Variants in PLPP4 observed in about 807,000 individuals in gnomAD.
PLPP4 encodes the protein diacylglycerol pyrophosphate like 2.
Under a neutral mutation model 32.2 loss-of-function variants are expected in PLPP4, and 20 were observed. The ratio of observed to expected loss-of-function variants is 0.62; its 90% CI spans 0.44 to 0.90. The LOEUF (loss-of-function observed/expected upper bound fraction) is 0.90, where lower values mean the gene tolerates loss of function less well. PLPP4 is among the 40% of genes least tolerant of loss of function. The probability of loss-of-function intolerance (pLI) is 0.00; values close to 1 mark genes in which losing one functional copy is unlikely to be tolerated. For synonymous variants in PLPP4, 127 were observed against 133.0 expected (o/e 0.95, Z 0.31); for missense variants, 257 against 353.1 (o/e 0.73, Z 2.18).
In PLPP4 at chr10:120,515,988, T is replaced by C. The variant is rs566073218; in HGVS notation, c.256+1987T>C. 3.4e-4 allele frequency among the ~76,000 whole-genome samples: 52 copies of C among 152,224 alleles called. 1 individual carries two copies. In the South Asian group the frequency reaches 0.011, roughly 32 times the overall value. ...ATTCTCAGCTAAATCTCCCTTAGGG[T>C]GACATTTCAAAATTGAACATCATAC... On this transcript the variant is annotated intron_variant, in intron 3 of 6. Coordinates refer to ENST00000398250, the MANE Select transcript of PLPP4 (RefSeq NM_001030059.3).
intron 2 of PLPP4, among the ~76,000 whole-genome samples, chr10:120,511,339 C>T (rs191396790): frequency 1.6e-4 from 24 of 152,284 alleles, no homozygotes; most frequent in Admixed American, 2.0e-4. Context: ...CCTATGTGGG[C>T]AGTGACTTTC....
chr10:120,542,577 G>A (rs549443472), intron 5 of PLPP4, among the ~76,000 whole-genome samples: 25 of 152,268 alleles, frequency 1.6e-4, no homozygotes, highest in East Asian at 1.2e-3. Context: ...CATTGCAGAC[G>A]AGCTGGCTGC....
At chr10:120,542,826 C>G (rs1048586120) in intron 5 of PLPP4, among the ~76,000 whole-genome samples, 2 of 152,118 alleles carry the variant, frequency 1.3e-5, no homozygotes, top group African/African-American at 2.4e-5. Context: ...CAGTTAGACC[C>G]CTGATTGTGG....
intron 6 of PLPP4, among the ~76,000 whole-genome samples, chr10:120,579,103 G>C (rs1287468049): frequency 6.6e-6 from 1 of 152,260 alleles, no homozygotes; most frequent in East Asian, 1.9e-4. Flanking sequence ...TGTGGTGTTT[G>C]CTCCATCACT....
At chr10:120,528,861 A>G (rs1846557493) in intron 5 of PLPP4, among the ~76,000 whole-genome samples, 1 of 152,090 alleles carries the variant, frequency 6.6e-6, no homozygotes, top group Non-Finnish European at 1.5e-5. Flanking sequence ...ATTCCCCACC[A>G]TAAAATGTTA....
At chr10:120,573,841 G>A (rs747016097) in intron 5 of PLPP4, among the ~76,000 whole-genome samples, 1 of 152,144 alleles carries the variant, frequency 6.6e-6, no homozygotes, top group African/African-American at 2.4e-5. Flanking sequence ...TGGACCTGAG[G>A]ATCTGCATTT....
chr10:120,588,453 A>G (rs1849864066), intron 6 of PLPP4, among the ~76,000 whole-genome samples: 1 of 152,198 alleles, frequency 6.6e-6, no homozygotes. Flanking sequence ...TGAGTTTGCC[A>G]ACACAGGCAT....
intron 1 of PLPP4, among the ~76,000 whole-genome samples, chr10:120,457,611 C>A (rs1271094911): frequency 6.6e-6 from 1 of 152,148 alleles, no homozygotes; most frequent in African/African-American, 2.4e-5. Context: ...TCTCACCGGG[C>A]CCGCGCCTGT....
intron 2 of PLPP4, among the ~76,000 whole-genome samples, chr10:120,513,438 C>T (rs550383527): frequency 2.0e-5 from 3 of 152,284 alleles, no homozygotes; most frequent in African/African-American, 4.8e-5. Flanking sequence ...AACAAACGGA[C>T]TAAACTCTGC....
At chr10:120,544,319 C>A (rs1284411258) in intron 5 of PLPP4, among the ~76,000 whole-genome samples, 1 of 152,174 alleles carries the variant, frequency 6.6e-6, no homozygotes, top group Non-Finnish European at 1.5e-5. Context: ...TTTGACAGAG[C>A]CCCTGGGGGG....
At chr10:120,558,963 C>G (rs578210829) in intron 5 of PLPP4, among the ~76,000 whole-genome samples, 1 of 152,176 alleles carries the variant, frequency 6.6e-6, no homozygotes, top group Non-Finnish European at 1.5e-5. Flanking sequence ...TTTTTACACT[C>G]TCACCAGCAA....
intron 5 of PLPP4, among the ~76,000 whole-genome samples, chr10:120,532,585 C>T (rs1846792272): frequency 1.3e-5 from 2 of 152,112 alleles, no homozygotes; most frequent in South Asian, 4.1e-4. Flanking sequence ...TTTTGTCTCT[C>T]ATAAAATAAA....
At chr10:120,578,439 C>G (rs772171794) in intron 6 of PLPP4, among the ~76,000 whole-genome samples, 4 of 152,210 alleles carry the variant, frequency 2.6e-5, no homozygotes, top group Non-Finnish European at 5.9e-5. Context: ...AAACTCAAGT[C>G]CCCCTCATTA....
At chr10:120,509,571 T>G (rs189470293) in intron 2 of PLPP4, among the ~76,000 whole-genome samples, 15 of 152,332 alleles carry the variant, frequency 9.8e-5, no homozygotes, top group Admixed American at 9.8e-4. Flanking sequence ...ACTAAAGCTT[T>G]TGGGCTAAGG....
intron 5 of PLPP4, among the ~76,000 whole-genome samples, chr10:120,543,415 G>C (rs939207149): frequency 7.9e-5 from 12 of 152,108 alleles, no homozygotes; most frequent in African/African-American, 2.9e-4. Flanking sequence ...GCTGGAGCTT[G>C]TGAAGCCCTT....
At chr10:120,503,334 C>T (rs1286061982) in intron 1 of PLPP4, among the ~76,000 whole-genome samples, 1 of 152,200 alleles carries the variant, frequency 6.6e-6, no homozygotes, top group African/African-American at 2.4e-5. Flanking sequence ...CAAACCCCTG[C>T]ATCTCTGCCC....
intron 2 of PLPP4, among the ~76,000 whole-genome samples, chr10:120,511,336 G>A (rs960850860): frequency 1.3e-5 from 2 of 152,088 alleles, no homozygotes; most frequent in Non-Finnish European, 2.9e-5. Context: ...TCTCCTATGT[G>A]GGCAGTGACT....
In PLPP4 at chr10:120,528,976, T is replaced by G. The variant is rs1271486194; in HGVS notation, c.445+7881T>G. Among the ~76,000 whole-genome samples the G allele has an allele frequency of 8.5e-5, 4 of 47,150 alleles. No individual in the cohort carries two copies. In the East Asian group the frequency reaches 1.5e-3, roughly 17 times the overall value. 30.9% of individuals were successfully genotyped at this position (47,150 alleles called of 152,430 possible). A position where few individuals can be genotyped will look rare whatever the true frequency, so the allele number is the denominator to read the frequency against. On this transcript the variant is annotated intron_variant, in intron 5 of 6. Transcript: ENST00000398250. The stretch of plus-strand genomic sequence containing the variant: ...GCATACTAGGCAAGAGCCCCTCATG[T>G]TTTTTTTTTTTCCCTAATGATTTTT...
chr10:120,549,308 G>C (rs1847777333), intron 5 of PLPP4, among the ~76,000 whole-genome samples: 1 of 150,736 alleles, frequency 6.6e-6, no homozygotes. Flanking sequence ...TAATTTCCTT[G>C]TAAACCACTG....
Sources: gnomAD v4.1 joint callset for allele counts (sites outside exome capture counted in the v4.1 genomes callset) on GRCh38, gnomAD v4.1.1 for gene constraint, MANE v1.5 for transcripts, NCBI Gene and HGNC (gene_info 2026-07-23, HGNC 2026-07-21) for gene names.